The following MLLT10 variants were observed in gnomAD, a reference collection of about 807,000 sequenced individuals.
MLLT10 encodes the protein protein AF-10.
In MLLT10, 30 loss-of-function variants were observed where a neutral mutation model predicts 129.1. The ratio of observed to expected loss-of-function variants is 0.23; its 90% CI spans 0.17 to 0.32. MLLT10 has a LOEUF of 0.32. MLLT10 is among the 10% of genes least tolerant of loss of function. MLLT10 has a pLI of 1.00. For synonymous variants in MLLT10, 490 were observed against 446.4 expected (o/e 1.10, Z -1.23); for missense variants, 1,119 against 1,268.3 (o/e 0.88, Z 1.79).
intron 3 of MLLT10, among the ~76,000 whole-genome samples, chr10:21,555,058 T>C (rs1321748782): frequency 6.6e-6 from 1 of 151,870 alleles, no homozygotes; most frequent in Non-Finnish European, 1.5e-5. Flanking sequence ...TGACCTCAGG[T>C]GATCCACCCG....
intron 9 of MLLT10, chr10:21,661,796 A>G (rs1191988839): frequency 6.6e-6 from 1 of 152,142 alleles, no homozygotes; most frequent in Non-Finnish European, 1.5e-5. Context: ...CCTGTAGACA[A>G]CATGTAGTTG....
chr10:21,623,405 T>C (rs528020145), intron 8 of MLLT10, among the ~76,000 whole-genome samples: 8 of 152,296 alleles, frequency 5.3e-5, no homozygotes, highest in Admixed American at 3.9e-4. Flanking sequence ...CAAAGAGTTT[T>C]ACAAGCTCTG....
At chr10:21,607,607 C>T (rs1461215740) in intron 5 of MLLT10, among the ~76,000 whole-genome samples, 2 of 152,186 alleles carry the variant, frequency 1.3e-5, no homozygotes, top group Non-Finnish European at 2.9e-5. Flanking sequence ...AGGCGTGAGC[C>T]ACCCCTGGCT....
chr10:21,643,079 CTGGAGTGCAGTGG>C (rs556643094), intron 8 of MLLT10, among the ~76,000 whole-genome samples: 120 of 152,270 alleles, frequency 7.9e-4, no homozygotes, highest in African/African-American at 2.6e-3. Context: ...GTCACCCAGG[CTGGAGTGCAGTGG>C]TGCAATCTCG....
At chr10:21,571,177 C>G (rs1294193932) in intron 3 of MLLT10, among the ~76,000 whole-genome samples, 1 of 152,194 alleles carries the variant, frequency 6.6e-6, no homozygotes, top group African/African-American at 2.4e-5. Flanking sequence ...TATTCACATC[C>G]TTATGTCAGT....
At chr10:21,605,316 T>C (rs1243758541) in intron 5 of MLLT10, among the ~76,000 whole-genome samples, 2 of 152,194 alleles carry the variant, frequency 1.3e-5, no homozygotes, top group Non-Finnish European at 2.9e-5. Flanking sequence ...AATATTGTAC[T>C]GATGTGTATC....
chr10:21,695,289 T>C (rs1261777), intron 13 of MLLT10, among the ~76,000 whole-genome samples: 84,009 of 151,866 alleles, frequency 0.55, 23,611 homozygotes, highest in Middle Eastern at 0.64. Flanking sequence ...GCCACTGCAC[T>C]CAGCCCCTCT....
At chr10:21,658,314 G>T (rs938112062) in intron 9 of MLLT10, among the ~76,000 whole-genome samples, 1 of 152,062 alleles carries the variant, frequency 6.6e-6, no homozygotes, top group Non-Finnish European at 1.5e-5. Flanking sequence ...CTTTTTGTCA[G>T]TTTAAATTAG....
chr10:21,693,901 CTA>C (rs2054118245), intron 13 of MLLT10, among the ~76,000 whole-genome samples: 1 of 151,930 alleles, frequency 6.6e-6, no homozygotes, highest in Non-Finnish European at 1.5e-5. Context: ...TTTTATTAGA[CTA>C]TTGAGTGAAG....
chr10:21,630,127 T>C (rs1366265514), intron 8 of MLLT10, among the ~76,000 whole-genome samples: 4 of 152,174 alleles, frequency 2.6e-5, no homozygotes, highest in Non-Finnish European at 4.4e-5. Context: ...AGATGTGGGT[T>C]GAACCCTATC....
chr10:21,672,362 G>A (rs1341344936), intron 10 of MLLT10, among the ~76,000 whole-genome samples: 3 of 151,968 alleles, frequency 2.0e-5, no homozygotes, highest in Admixed American at 6.6e-5. Context: ...CAAGTAGATG[G>A]GACCACAAGC....
In MLLT10 at chr10:21,743,084, T is replaced by C. The variant is rs1204642349; in HGVS notation, c.*1101T>C. ...CAGGTGAAACCTGTATGACAGCCCT[T>C]CCACTTTGGGGAGCCACGCTTTTGA... On this transcript the variant is annotated 3_prime_UTR_variant, in exon 23 of 23. Coordinates refer to ENST00000307729, the MANE Select transcript of MLLT10 (RefSeq NM_001195626.3). 3 of 230,592 alleles carry C rather than the reference T, an allele frequency of 1.3e-5. No individual in the cohort carries two copies. Among genetic ancestry groups the C allele is most frequent in the Non-Finnish European group, 2.6e-5 (3 of 116,414 alleles). 14.3% of individuals were successfully genotyped at this position (230,592 alleles called of 1,614,324 possible).
At chr10:21,551,614 A>G (rs1006625140) in intron 3 of MLLT10, among the ~76,000 whole-genome samples, 3 of 152,112 alleles carry the variant, frequency 2.0e-5, no homozygotes, top group African/African-American at 7.2e-5. Flanking sequence ...GCATAAGGGC[A>G]GGAATGAAGC....
intron 14 of MLLT10, among the ~76,000 whole-genome samples, chr10:21,719,797 C>T (rs1211989610): frequency 6.6e-6 from 1 of 152,174 alleles, no homozygotes; most frequent in African/African-American, 2.4e-5. Flanking sequence ...CTTTAGAATT[C>T]ATGGTTATTG....
At position 21,670,597 on chromosome 10, in the gene MLLT10, G is replaced by A; in HGVS notation, c.944G>A (p.Gly315Asp). ...GTTTCAGAGACTAGAGGGTCAGAGG[G>A]CAAAGGGAAGAAATCTTCAGCTCAC... ...KDVSETRGSE[G>D]KGKKSSAHSS... The change falls in exon 10 of 23, where the codon GGC becomes GAC. Residue 315 changes from glycine to aspartate, a missense_variant. Gly to Asp is a moderately conservative substitution (Grantham distance 94). Transcript: ENST00000307729. 6.2e-6 allele frequency: 10 copies of A among 1,614,204 alleles called. No individual in the cohort carries two copies. The highest frequency in any genetic ancestry group is 8.5e-6 in the Non-Finnish European group (10 of 1,180,032).
At chr10:21,568,352 T>C (rs1297891063) in intron 3 of MLLT10, among the ~76,000 whole-genome samples, 1 of 152,222 alleles carries the variant, frequency 6.6e-6, no homozygotes, top group African/African-American at 2.4e-5. Flanking sequence ...GTGGGAGGAA[T>C]AGGGAAAAGT....
intron 5 of MLLT10, among the ~76,000 whole-genome samples, chr10:21,601,846 T>G (rs982077636): frequency 1.3e-5 from 2 of 152,162 alleles, no homozygotes; most frequent in African/African-American, 4.8e-5. Context: ...CCTATCTCAG[T>G]TTTTTGTTTT....
At chr10:21,723,963 A>G (rs183888897) in intron 14 of MLLT10, among the ~76,000 whole-genome samples, 20 of 152,330 alleles carry the variant, frequency 1.3e-4, no homozygotes, top group Non-Finnish European at 5.9e-5. Flanking sequence ...AGATTCCCAA[A>G]GAATTGACTT....
chr10:21,685,491 T>C (rs1171939117), intron 13 of MLLT10, among the ~76,000 whole-genome samples: 1 of 152,050 alleles, frequency 6.6e-6, no homozygotes, highest in Non-Finnish European at 1.5e-5. Context: ...CCCACCACCA[T>C]GCCTGGCTAA....
Sources: allele counts gnomAD v4.1 joint callset (sites outside exome capture counted in the v4.1 genomes callset), GRCh38; gene constraint gnomAD v4.1.1; transcripts MANE v1.5; gene names NCBI Gene and HGNC (gene_info 2026-07-23, HGNC 2026-07-21).